EXTL3: variants seen among roughly 807,000 people sequenced by gnomAD.
EXTL3 encodes the protein exostosin-like 3.
Under a neutral mutation model 69.3 loss-of-function variants are expected in EXTL3, and 27 were observed. The observed-to-expected ratio is 0.39, with a 90% confidence interval of 0.29 to 0.54. The LOEUF (loss-of-function observed/expected upper bound fraction) is 0.54. Among genes scored for constraint, EXTL3 ranks in the 20% least tolerant of loss-of-function variants. The probability of loss-of-function intolerance (pLI) is 0.69; values close to 1 mark genes in which losing one functional copy is unlikely to be tolerated. For missense variants in EXTL3, 1,003 were observed against 1,231.8 expected (o/e 0.81, Z 2.78); for synonymous variants, 511 against 499.4 (o/e 1.02, Z -0.31).
intron 1 of EXTL3, among the ~76,000 whole-genome samples, chr8:28,648,572 A>G (rs964331560): frequency 1.3e-5 from 2 of 152,144 alleles, no homozygotes; most frequent in Non-Finnish European, 2.9e-5. Context: ...TTAAATAATA[A>G]GAGAAAAAGT....
intron 1 of EXTL3, among the ~76,000 whole-genome samples, chr8:28,688,881 C>T (rs571909032): frequency 4.6e-5 from 7 of 152,112 alleles, no homozygotes; most frequent in Non-Finnish European, 7.4e-5. Flanking sequence ...TGTCAAGGGC[C>T]GGAAGAGATG....
At chr8:28,685,139 G>A (rs240926) in intron 1 of EXTL3, among the ~76,000 whole-genome samples, 48,534 of 151,740 alleles carry the variant, frequency 0.32, 8,072 homozygotes, top group African/African-American at 0.43. Flanking sequence ...TTAAGTAGAG[G>A]TGGAGTTTCA....
chr8:28,702,004 G>A (rs574921951), intron 1 of EXTL3, among the ~76,000 whole-genome samples: 1 of 151,570 alleles, frequency 6.6e-6, no homozygotes, highest in East Asian at 1.9e-4. Context: ...TTTTTTGGAC[G>A]CTCGGCTGCA....
intron 2 of EXTL3, among the ~76,000 whole-genome samples, chr8:28,611,036 C>T (rs979983374): frequency 1.3e-5 from 2 of 152,210 alleles, no homozygotes; most frequent in Admixed American, 6.5e-5. Context: ...AGCCACTGCA[C>T]CCCCTACATC....
chr8:28,683,027 C>T lies in EXTL3; in HGVS notation c.-52-30430C>T, dbSNP rs927518493. Among the ~76,000 whole-genome samples the T allele has an allele frequency of 9.9e-5, 15 of 152,222 alleles. 1 individual carries two copies. The highest frequency in any genetic ancestry group is 4.1e-4 in the South Asian group (2 of 4,826). ...TTTATTGAAAAGACTCTCTTTTTCC[C>T]GTTGTATGTTCTCAGTACTTTTGTG... On this transcript the variant is annotated intron_variant, in intron 1 of 6. Transcript: ENST00000523149.
chr8:28,749,863 T>C (rs1013517848), intron 6 of EXTL3, among the ~76,000 whole-genome samples: 1 of 152,142 alleles, frequency 6.6e-6, no homozygotes, highest in African/African-American at 2.4e-5. Context: ...GCAGCTAATA[T>C]TTTTATCTCT....
chr8:28,626,789 C>T (rs1225418795), intron 1 of EXTL3, among the ~76,000 whole-genome samples: 2 of 152,216 alleles, frequency 1.3e-5, no homozygotes, highest in Non-Finnish European at 2.9e-5. Flanking sequence ...CCTCTGAAGA[C>T]TGAGGTGGGA....
intron 1 of EXTL3, among the ~76,000 whole-genome samples, chr8:28,682,265 G>C (rs1807502261): frequency 6.6e-6 from 1 of 152,052 alleles, no homozygotes; most frequent in Admixed American, 6.6e-5. Flanking sequence ...AGAAATATCT[G>C]TTCAGGTCCT....
At chr8:28,653,916 C>A (rs988653734) in intron 1 of EXTL3, among the ~76,000 whole-genome samples, 3 of 152,094 alleles carry the variant, frequency 2.0e-5, no homozygotes, top group African/African-American at 7.2e-5. Context: ...TTCATTTCTG[C>A]AAAAGATGCT....
intron 1 of EXTL3, among the ~76,000 whole-genome samples, chr8:28,658,025 G>A (rs1329290369): frequency 6.6e-6 from 1 of 152,228 alleles, no homozygotes; most frequent in Non-Finnish European, 1.5e-5. Context: ...AGGGCAGGCT[G>A]AGAGGGTGGG....
intron 1 of EXTL3, among the ~76,000 whole-genome samples, chr8:28,703,544 G>A (rs1800856434): frequency 6.6e-6 from 1 of 152,170 alleles, no homozygotes; most frequent in Non-Finnish European, 1.5e-5. Flanking sequence ...GCCAGCTGTG[G>A]ATTGGAGGGT....
intron 3 of EXTL3, among the ~76,000 whole-genome samples, chr8:28,720,061 A>G (rs1377027715): frequency 6.6e-6 from 1 of 152,172 alleles, no homozygotes; most frequent in African/African-American, 2.4e-5. Context: ...AAAAGAGGAA[A>G]TAGCTTCAGA....
chr8:28,643,469 C>T (rs112667858), intron 1 of EXTL3, among the ~76,000 whole-genome samples: 23 of 148,398 alleles, frequency 1.5e-4, no homozygotes, highest in African/African-American at 5.6e-4. Context: ...GGCCGGACTG[C>T]AGTGGTGCTA....
chr8:28,718,113 G>A lies in EXTL3; in HGVS notation c.2054G>A (p.Gly685Asp), dbSNP rs907571889. 1.2e-6 allele frequency: 2 copies of A among 1,613,984 alleles called. No homozygotes were observed. The highest frequency in any genetic ancestry group is 1.7e-6 in the Non-Finnish European group (2 of 1,180,040). The part of the protein sequence containing the change: ...VLMNSLERLN[G>D]LPYLNKVVVV... Reference sequence around the variant, plus strand: ...ATGAACTCTTTAGAGAGGCTGAATGGCCTCCCTTACCTGAACAAGGTCGTG... The same window carrying A: ...ATGAACTCTTTAGAGAGGCTGAATGACCTCCCTTACCTGAACAAGGTCGTG... Residue 685 changes from glycine to aspartate, a missense_variant, in exon 3 of 7, where the codon GGC (glycine) becomes GAC (aspartate). Gly to Asp is a moderately conservative substitution (Grantham distance 94). Transcript: ENST00000220562.
At position 28,717,436 on chromosome 8, in the gene EXTL3, C is replaced by T. The variant is rs140439239; in HGVS notation, c.1377C>T (p.Ala459=). The T allele has an allele frequency of 1.3e-4, 209 of 1,614,146 alleles. No homozygotes were observed. Among genetic ancestry groups the T allele is most frequent in the Middle Eastern group, 1.6e-4 (1 of 6,062 alleles). The change falls in exon 3 of 7, where the codon GCC becomes GCT. Residue 459 remains alanine (A), a synonymous_variant. Transcript: ENST00000220562. This position sits in a 1 kb window ranked among gnomAD's most constrained non-coding sequence, Gnocchi z 8.3. ...TRLFEALEVG[A]VPVVLGEQVQ... is the part of the protein sequence containing the mutation. ...TCTTCGAAGCCCTGGAAGTCGGTGC[C>T]GTCCCGGTGGTGCTGGGGGAGCAGG...
chr8:28,734,847 C>G (rs1030857442), intron 4 of EXTL3, among the ~76,000 whole-genome samples: 2 of 152,244 alleles, frequency 1.3e-5, no homozygotes, highest in Non-Finnish European at 2.9e-5. Context: ...CTACCTGGCT[C>G]TGGAGCTGCC....
chr8:28,747,469 A>G (rs1422335166), intron 6 of EXTL3, among the ~76,000 whole-genome samples: 1 of 152,214 alleles, frequency 6.6e-6, no homozygotes, highest in Non-Finnish European at 1.5e-5. Flanking sequence ...TACTGGCTGT[A>G]CACAATGATT....
upstream of EXTL3, chr8:28,700,283 G>A (rs1318095409): frequency 1.3e-5 from 2 of 152,300 alleles, no homozygotes; most frequent in Non-Finnish European, 2.9e-5. Context: ...AGAGAAAGAG[G>A]ATAGGAAAAG....
At chr8:28,629,392 G>A (rs1410311407) in intron 1 of EXTL3, among the ~76,000 whole-genome samples, 1 of 152,080 alleles carries the variant, frequency 6.6e-6, no homozygotes, top group African/African-American at 2.4e-5. Context: ...GTGGGAAAGT[G>A]GTGACGTTAG....
Sources: gnomAD v4.1 joint callset for allele counts (sites outside exome capture counted in the v4.1 genomes callset) on GRCh38, gnomAD v4.1.1 for gene constraint, Gnocchi (gnomAD v3.1) non-coding constraint, MANE v1.5 for transcripts, NCBI Gene and HGNC (gene_info 2026-07-23, HGNC 2026-07-21) for gene names.